PLG: variants seen among roughly 807,000 people sequenced by gnomAD.
PLG encodes plasminogen, also known as plasmin.
Under a neutral mutation model 104.4 loss-of-function variants are expected in PLG, and 41 were observed. The ratio of observed to expected loss-of-function variants is 0.39; its 90% confidence interval spans 0.31 to 0.51. The LOEUF is 0.51. Among genes scored for constraint, PLG ranks in the 20% least tolerant of loss-of-function variants. The pLI is 0.76. For missense variants in PLG, 891 were observed against 1,003.6 expected (o/e 0.89, Z 1.52); for synonymous variants, 337 against 357.1 (o/e 0.94, Z 0.63).
At chr6:160,720,349 T>C (rs1162932399) in intron 9 of PLG, among the ~76,000 whole-genome samples, 2 of 151,668 alleles carry the variant, frequency 1.3e-5, no homozygotes, top group African/African-American at 2.4e-5. Flanking sequence ...GCTTGAGGTA[T>C]TCTGAGTTCC....
At chr6:160,709,107 G>C (rs1245787647) in intron 3 of PLG, among the ~76,000 whole-genome samples, 1 of 152,004 alleles carries the variant, frequency 6.6e-6, no homozygotes, top group Admixed American at 6.6e-5. Flanking sequence ...TGAAGGCTTA[G>C]TTTGCTTGTT....
chr6:160,752,443 C>G lies in PLG; in HGVS notation c.2271+183C>G, dbSNP rs1012636806. On this transcript the variant is annotated intron_variant, in intron 18 of 18. Transcript: ENST00000308192. This position sits in a 1 kb window ranked among gnomAD's most constrained non-coding sequence, Gnocchi z 4.7. ...GTATTCAGATCATCTAAGGGGATGTCTTGGGGCTTGAGTTCCAAATCAGTA... is the reference window on the plus strand; with the variant it reads ...GTATTCAGATCATCTAAGGGGATGTGTTGGGGCTTGAGTTCCAAATCAGTA... 2.6e-5 allele frequency among the ~76,000 whole-genome samples: 4 copies of G among 152,172 alleles called. No individual in the cohort carries two copies. Among genetic ancestry groups the G allele is most frequent in the African/African-American group, 9.7e-5 (4 of 41,428 alleles).
At position 160,714,837 on chromosome 6, in the gene PLG, T is replaced by G; in HGVS notation, c.591T>G (p.Ile197Met). The change falls in exon 6 of 19, where the codon ATT (isoleucine) becomes ATG (methionine). Residue 197 changes from isoleucine (I) to methionine (M), a missense_variant. By Grantham distance (10) the Ile-to-Met change is conservative. This residue lies in a region of PLG where 854 missense variants were observed against 932.1 expected (regional missense o/e 0.92). Transcript: ENST00000308192. ...GTGGAGAAAACTATGACGGCAAAATTTCCAAGACCATGTCTGGACTGGAAT... is the reference window on the plus strand; with the variant it reads ...GTGGAGAAAACTATGACGGCAAAATGTCCAAGACCATGTCTGGACTGGAAT... ...HCSGENYDGK[I>M]SKTMSGLECQ... The G allele has an allele frequency of 6.2e-7, 1 of 1,613,768 alleles. No homozygotes were observed. Among genetic ancestry groups the G allele is most frequent in the Non-Finnish European group, 8.5e-7 (1 of 1,179,674 alleles).
intron 3 of PLG, among the ~76,000 whole-genome samples, chr6:160,708,984 C>T (rs2115153586): frequency 6.6e-6 from 1 of 151,490 alleles, no homozygotes; most frequent in Middle Eastern, 3.4e-3. Flanking sequence ...AAAAAAAAAC[C>T]CTGATTCTCC....
rs1460472658 is a variant in PLG at position 160,752,140 on chromosome 6, G to A, written c.2151G>A (p.Lys717=). ...GTACTTTTGGAGCTGGCCTTCTCAA[G>A]GAAGCCCAGCTCCCTGTGATTGAGA... The part of the protein sequence containing the change: ...TQGTFGAGLL[K]EAQLPVIENK... Residue 717 remains lysine, a synonymous_variant, in exon 18 of 19, where the codon AAG becomes AAA. Coordinates refer to ENST00000308192, the MANE Select transcript of PLG (RefSeq NM_000301.5). The surrounding 1 kb of genome is among the most constrained non-coding windows in gnomAD (Gnocchi z 4.7). 1.4e-5 allele frequency: 22 copies of A among 1,612,550 alleles called. No homozygotes were observed. The East Asian group carries it at 4.7e-4, about 34-fold the overall frequency.
intron 3 of PLG, among the ~76,000 whole-genome samples, chr6:160,709,875 G>A (rs1273245538): frequency 5.3e-5 from 8 of 152,206 alleles, no homozygotes. Context: ...AATGGCTAAA[G>A]TGGGTAACCT....
chr6:160,733,986 T>G lies in PLG; in HGVS notation c.1588-9T>G. 1 of 1,557,946 alleles carries G rather than the reference T, an allele frequency of 6.4e-7. No individual in the cohort carries two copies. Among genetic ancestry groups the G allele is most frequent in the South Asian group, 1.1e-5 (1 of 89,916 alleles). On this transcript the variant is annotated splice_polypyrimidine_tract_variant and intron_variant, in intron 12 of 18. Transcript: ENST00000308192. ...GTGAGCTGGAGCTTACATGCCTTCT[T>G]GTTTTCAGTACTGCCGTAACCCTGA...
Position 160,730,963 on chromosome 6 carries a change from C to T in PLG, c.1257-88C>T, listed in dbSNP as rs188784418. 43 of 1,338,488 alleles carry T rather than the reference C, an allele frequency of 3.2e-5. No individual in the cohort carries two copies. The Admixed American group carries it at 6.7e-4, about 21-fold the overall frequency. The allele number at this position is 1,338,488 out of a possible 1,614,324, so 82.9% of individuals were successfully genotyped here. The stretch of plus-strand genomic sequence containing the variant: ...GGAATATTTCAAAGCCACTTGTTAA[C>T]ACTTTGTTAGAACAAAATGTAGAGG... On this transcript the variant is annotated intron_variant, in intron 10 of 18. Coordinates refer to ENST00000308192, the MANE Select transcript of PLG (RefSeq NM_000301.5).
intron 9 of PLG, among the ~76,000 whole-genome samples, chr6:160,721,880 T>C (rs1402187084): frequency 6.6e-6 from 1 of 152,202 alleles, no homozygotes; most frequent in African/African-American, 2.4e-5. Flanking sequence ...CTGTAACTTC[T>C]CCAAGGGAAT....
intron 10 of PLG, among the ~76,000 whole-genome samples, chr6:160,729,265 A>T (rs1363395502): frequency 6.6e-6 from 1 of 152,254 alleles, no homozygotes; most frequent in Non-Finnish European, 1.5e-5. Context: ...GCTGTCACTG[A>T]TGTGGAGCGA....
chr6:160,715,863 C>T (rs893448944), intron 6 of PLG, among the ~76,000 whole-genome samples: 2 of 152,210 alleles, frequency 1.3e-5, no homozygotes, highest in African/African-American at 4.8e-5. Flanking sequence ...TTGCTTAAGC[C>T]GCTGCTGGCT....
Position 160,718,456 on chromosome 6 carries a change from A to C in PLG, c.950A>C (p.Lys317Thr). The change falls in exon 8 of 19, where the codon AAA becomes ACA. Residue 317 changes from lysine (K) to threonine (T), a missense_variant and splice_region_variant. Around this residue, in one of 2 missense-constraint regions of PLG, gnomAD observed 854 missense variants for 932.1 expected, o/e 0.92. Coordinates refer to ENST00000308192, the MANE Select transcript of PLG (RefSeq NM_000301.5). ...HNRTPENFPC[K>T]NLDENYCRNP... ...AGGACACCAGAAAACTTCCCCTGCA[A>C]GTAAGTCCCCTCCGGTCTCATTCTG... 6.2e-7 allele frequency: 1 copy of C among 1,610,242 alleles called. No homozygotes were observed. Among genetic ancestry groups the C allele is most frequent in the African/African-American group, 1.3e-5 (1 of 74,994 alleles).
At chr6:160,711,721 A>G (rs1777646035) in intron 4 of PLG, 2 of 1,608,358 alleles carry the variant, frequency 1.2e-6, no homozygotes, top group African/African-American at 2.7e-5. Context: ...AAAAAAAATC[A>G]ATGAAACTAT....
chr6:160,706,580 A>C (rs372555905), intron 2 of PLG, 38 bp downstream of exon 2: 1 of 1,586,666 alleles, frequency 6.3e-7, no homozygotes, highest in Non-Finnish European at 8.6e-7. Context: ...AGGAATCTGT[A>C]ATTCAGATGG....
intron 3 of PLG, among the ~76,000 whole-genome samples, chr6:160,710,568 C>T (rs1302293208): frequency 6.6e-6 from 1 of 152,026 alleles, no homozygotes; most frequent in African/African-American, 2.4e-5. Flanking sequence ...AATTTTATAG[C>T]CCTGTTTGGC....
At chr6:160,704,670 A>G (rs181169186) in intron 1 of PLG, among the ~76,000 whole-genome samples, 11 of 152,340 alleles carry the variant, frequency 7.2e-5, no homozygotes, top group African/African-American at 2.2e-4. Flanking sequence ...TTAGTGGATT[A>G]GCTTTAGAAT....
chr6:160,703,948 C>G (rs1326259148), intron 1 of PLG, among the ~76,000 whole-genome samples: 1 of 152,184 alleles, frequency 6.6e-6, no homozygotes, highest in African/African-American at 2.4e-5. Flanking sequence ...GGAAAAGTTT[C>G]TTTTACAGCC....
chr6:160,717,777 G>A (rs1249579547), intron 7 of PLG, among the ~76,000 whole-genome samples: 1 of 152,178 alleles, frequency 6.6e-6, no homozygotes, highest in East Asian at 1.9e-4. Context: ...GTCTTTCTCT[G>A]AAGGAGTTCC....
At position 160,752,090 on chromosome 6, in the gene PLG, A is replaced by G. The variant is rs781134058; in HGVS notation, c.2126-25A>G. 1 of 1,610,496 alleles carries G rather than the reference A, an allele frequency of 6.2e-7. No homozygotes were observed. The highest frequency in any genetic ancestry group is 1.1e-5 in the South Asian group (1 of 90,856). On this transcript the variant is annotated intron_variant, in intron 17 of 18. Coordinates refer to ENST00000308192, the MANE Select transcript of PLG (RefSeq NM_000301.5). The surrounding 1 kb of genome is among the most constrained non-coding windows in gnomAD (Gnocchi z 4.7). ...TGAATGTGTTTTGGGTGCAGTTGCC[A>G]TTTCTTTCATCTTTTTAAACACAGG...
Sources: allele counts gnomAD v4.1 joint callset (sites outside exome capture counted in the v4.1 genomes callset), GRCh38; gene constraint gnomAD v4.1.1; regional missense constraint gnomAD v4.1.1; non-coding constraint Gnocchi (gnomAD v3.1); transcripts MANE v1.5; gene names NCBI Gene and HGNC (gene_info 2026-07-23, HGNC 2026-07-21).